Variants in NFIC observed in about 807,000 individuals in gnomAD.
NFIC encodes the protein nuclear factor I C, also known as nuclear factor 1 C-type.
A neutral mutation model predicts 54.4 loss-of-function variants in NFIC; 12 were observed. The ratio of observed to expected loss-of-function variants is 0.22; its 90% CI spans 0.14 to 0.36. NFIC has a LOEUF of 0.36. Among genes scored for constraint, NFIC ranks in the 10% least tolerant of loss-of-function variants. NFIC has a pLI of 1.00. For missense variants in NFIC, 575 were observed against 718.2 expected (o/e 0.80, Z 2.28); for synonymous variants, 322 against 319.2 (o/e 1.01, Z -0.09).
intron 6 of NFIC, among the ~76,000 whole-genome samples, chr19:3,441,506 G>A (rs1334173640): frequency 6.6e-6 from 1 of 152,248 alleles, no homozygotes; most frequent in South Asian, 2.1e-4. Context: ...TCTCCCCATC[G>A]CTGTGGCCTG....
chr19:3,426,914 C>G (rs1216109075), intron 3 of NFIC, among the ~76,000 whole-genome samples: 2 of 151,536 alleles, frequency 1.3e-5, no homozygotes, highest in Non-Finnish European at 2.9e-5. Context: ...CAGCCTCTGG[C>G]TACCCTCAAT....
chr19:3,467,753 CTATACATATATATA>C lies in NFIC; in HGVS notation c.*4989_*5002del, dbSNP rs2082734405. On this transcript the variant is annotated 3_prime_UTR_variant, in exon 11 of 11. Coordinates refer to ENST00000443272, the MANE Select transcript of NFIC (RefSeq NM_001245002.2). Reference sequence around the variant, plus strand: ...CTTTGACCTCCAGTGTAGGGCTATACTATACATATATATATATATATATATATATATATATAATT... The same window carrying C: ...CTTTGACCTCCAGTGTAGGGCTATACTATATATATATATATATATATAATT... 3.1e-5 allele frequency: 1 copy of C among 31,796 alleles called. No homozygotes were observed. Among genetic ancestry groups the C allele is most frequent in the Non-Finnish European group, 5.1e-5 (1 of 19,630 alleles). 2.0% of individuals were successfully genotyped at this position (31,796 alleles called of 1,614,324 possible).
intron 2 of NFIC, among the ~76,000 whole-genome samples, chr19:3,406,525 C>G (rs2081651947): frequency 6.6e-6 from 1 of 152,136 alleles, no homozygotes. Context: ...CTGTGTCCAG[C>G]CAATGTCTGT....
At chr19:3,426,923 ATCT>A (rs2082036046) in intron 3 of NFIC, among the ~76,000 whole-genome samples, 1 of 143,592 alleles carries the variant, frequency 7.0e-6, no homozygotes, top group Admixed American at 6.9e-5. Context: ...GCTACCCTCA[ATCT>A]TTTTTTTTTT....
At chr19:3,372,695 G>A (rs960200463) in intron 1 of NFIC, among the ~76,000 whole-genome samples, 10 of 148,608 alleles carry the variant, frequency 6.7e-5, no homozygotes, top group Non-Finnish European at 1.2e-4. Flanking sequence ...GTTTGCTCAA[G>A]GGGCCCAGGA....
intron 1 of NFIC, among the ~76,000 whole-genome samples, chr19:3,368,019 T>C (rs911064590): frequency 2.0e-5 from 3 of 152,168 alleles, no homozygotes; most frequent in African/African-American, 7.2e-5. Flanking sequence ...CTGAGTGACC[T>C]TGGGTAAGTC....
rs998043510 is a variant in NFIC at position 3,459,122 on chromosome 19, A to AC, written c.1509+2488dup. On this transcript the variant is annotated intron_variant, in intron 10 of 10. Transcript: ENST00000443272. The surrounding 1 kb of genome is among the most constrained non-coding windows in gnomAD (Gnocchi z 4.2). ...TCATTTCCGATTCTGGCCAGTCAGC[A>AC]CTTCTGCCTCCGCCTCCTCTATTCC... Among the ~76,000 whole-genome samples, 11 of 151,894 alleles carry AC rather than the reference A, an allele frequency of 7.2e-5. No individual in the cohort carries two copies. Among genetic ancestry groups the AC allele is most frequent in the Non-Finnish European group, 1.5e-5 (1 of 67,920 alleles).
In NFIC at chr19:3,399,091, G is replaced by A. The variant is rs1365488752; in HGVS notation, c.562+16848G>A. ...CACCTGGTTAAGTCCCTGTCTCTGA[G>A]CCTCAGCCTCCCCTTCTGCACAGTG... On this transcript the variant is annotated intron_variant, in intron 2 of 10. Transcript: ENST00000443272. Among the ~76,000 whole-genome samples, 4 of 152,350 alleles carry A rather than the reference G, an allele frequency of 2.6e-5. No homozygotes were observed. In the East Asian group the frequency reaches 7.7e-4, roughly 29 times the overall value.
chr19:3,404,906 G>A (rs543546018), intron 2 of NFIC, among the ~76,000 whole-genome samples: 1 of 151,994 alleles, frequency 6.6e-6, no homozygotes, highest in African/African-American at 2.4e-5. Flanking sequence ...CCCCAGAGGC[G>A]GGCCCGAGAC....
At chr19:3,387,327 C>T (rs578112079) in intron 2 of NFIC, among the ~76,000 whole-genome samples, 13 of 152,270 alleles carry the variant, frequency 8.5e-5, no homozygotes, top group African/African-American at 3.1e-4. Flanking sequence ...CATGGTGAAA[C>T]CCCATCTCTA....
rs2082663740 is a variant in NFIC, at chr19:3,463,006, A to C, written c.*237A>C. ...AAACCCACCCAAGCAAGAAGACAAAAGGTAAAGACGCAACGTTTCCAACTC... is the reference window on the plus strand; with the variant it reads ...AAACCCACCCAAGCAAGAAGACAAACGGTAAAGACGCAACGTTTCCAACTC... On this transcript the variant is annotated 3_prime_UTR_variant, in exon 11 of 11. Transcript: ENST00000443272. The C allele has an allele frequency of 7.1e-7, 1 of 1,398,990 alleles. No individual in the cohort carries two copies. 86.7% of individuals were successfully genotyped at this position (1,398,990 alleles called of 1,614,324 possible).
At chr19:3,400,757 G>A (rs1375433976) in intron 2 of NFIC, among the ~76,000 whole-genome samples, 9 of 152,278 alleles carry the variant, frequency 5.9e-5, no homozygotes, top group Non-Finnish European at 2.9e-5. Flanking sequence ...CAGGAGAATC[G>A]CTTGAACCCG....
intron 2 of NFIC, among the ~76,000 whole-genome samples, chr19:3,387,130 T>C (rs2081309066): frequency 6.6e-6 from 1 of 152,122 alleles, no homozygotes; most frequent in South Asian, 2.1e-4. Context: ...GGCTGGCCTC[T>C]TGGAGGGGTG....
intron 6 of NFIC, among the ~76,000 whole-genome samples, chr19:3,436,563 C>T (rs2082207457): frequency 6.6e-6 from 1 of 151,638 alleles, no homozygotes; most frequent in Admixed American, 6.6e-5. Flanking sequence ...GCAACCCTTC[C>T]TCCTGAGTTC....
intron 3 of NFIC, among the ~76,000 whole-genome samples, chr19:3,425,598 T>G (rs1384621736): frequency 6.6e-6 from 1 of 152,126 alleles, no homozygotes; most frequent in Non-Finnish European, 1.5e-5. Flanking sequence ...TAGCTGGGAT[T>G]ACAGGTACCT....
intron 9 of NFIC, among the ~76,000 whole-genome samples, chr19:3,456,325 A>AC (rs796584856): frequency 4.6e-5 from 7 of 151,724 alleles, no homozygotes; most frequent in African/African-American, 1.7e-4. Context: ...CTCAGCCGTG[A>AC]CCCCCGGGCC....
chr19:3,381,256 G>A (rs968351618), intron 1 of NFIC, among the ~76,000 whole-genome samples: 1 of 151,954 alleles, frequency 6.6e-6, no homozygotes, highest in South Asian at 2.1e-4. Context: ...TTAGCTGGGC[G>A]TGGTGGTGGG....
intron 10 of NFIC, among the ~76,000 whole-genome samples, chr19:3,461,498 G>A (rs978089873): frequency 1.3e-5 from 2 of 151,708 alleles, no homozygotes; most frequent in Non-Finnish European, 2.9e-5. Flanking sequence ...CAAGGTGGGC[G>A]GATCACTTGA....
At chr19:3,373,092 G>T (rs566864236) in intron 1 of NFIC, among the ~76,000 whole-genome samples, 1 of 152,034 alleles carries the variant, frequency 6.6e-6, no homozygotes, top group Non-Finnish European at 1.5e-5. Flanking sequence ...TGATCCGCCC[G>T]CCTCGGCCTC....
Sources: gnomAD v4.1 joint callset for allele counts (sites outside exome capture counted in the v4.1 genomes callset) on GRCh38, gnomAD v4.1.1 for gene constraint, Gnocchi (gnomAD v3.1) non-coding constraint, MANE v1.5 for transcripts, NCBI Gene and HGNC (gene_info 2026-07-23, HGNC 2026-07-21) for gene names.